PNPLA3: variants seen among roughly 807,000 people sequenced by gnomAD.
The protein encoded by PNPLA3 is patatin like domain 3, 1-acylglycerol-3-phosphate O-acyltransferase.
Under a neutral mutation model 43.1 loss-of-function variants are expected in PNPLA3, and 42 were observed. The ratio of observed to expected loss-of-function variants is 0.97; its 90% CI spans 0.76 to 1.26. The LOEUF (loss-of-function observed/expected upper bound fraction) is 1.26. Ranked by LOEUF, PNPLA3 falls within the 50% of genes most tolerant of loss-of-function variation. PNPLA3 has a pLI of 0.00. For missense variants in PNPLA3, 647 were observed against 621.4 expected, an observed-to-expected ratio of 1.04 and a Z score of -0.44; for synonymous variants, 272 against 253.6, an observed-to-expected ratio of 1.07 and a Z score of -0.69.
chr22:43,933,962 T>C (rs2049977966), intron 4 of PNPLA3, among the ~76,000 whole-genome samples: 1 of 152,112 alleles, frequency 6.6e-6, no homozygotes, highest in Non-Finnish European at 1.5e-5. Context: ...CTAGTGGCAA[T>C]TGGGATAGGC....
chr22:43,939,956 G>A, intron 6 of PNPLA3, 37 bp from the exon 7 acceptor site: 1 of 1,614,026 alleles, frequency 6.2e-7, no homozygotes, highest in Non-Finnish European at 8.5e-7. Flanking sequence ...GTTTTTCACA[G>A]TGGTGGGAGA....
chr22:43,938,686 C>T (rs775830625), intron 6 of PNPLA3, among the ~76,000 whole-genome samples: 3 of 152,248 alleles, frequency 2.0e-5, no homozygotes, highest in Non-Finnish European at 4.4e-5. Context: ...GCCTCCAACA[C>T]TGGGAATTAC....
In PNPLA3 at chr22:43,947,038, T is replaced by G; in HGVS notation, c.*656T>G. 4.2e-6 allele frequency: 1 copy of G among 239,470 alleles called. No homozygotes were observed. 14.8% of individuals were successfully genotyped at this position (239,470 alleles called of 1,614,324 possible). ...TTGAATTTTGTATTATGTGAATCAG[T>G]GAGATGTTAGTAGAATAAGCCTTAA... On this transcript the variant is annotated 3_prime_UTR_variant, in exon 9 of 9. Coordinates refer to ENST00000216180, the MANE Select transcript of PNPLA3 (RefSeq NM_025225.3).
At chr22:43,926,461 G>A (rs1183966900) in intron 1 of PNPLA3, among the ~76,000 whole-genome samples, 1 of 152,034 alleles carries the variant, frequency 6.6e-6, no homozygotes, top group Admixed American at 6.5e-5. Context: ...CCTCTATGTG[G>A]GGCATGGAGG....
Position 43,937,246 on chromosome 22 carries a change from A to T in PNPLA3, c.953A>T (p.Asp318Val). The T allele has an allele frequency of 1.2e-6, 2 of 1,613,980 alleles. No homozygotes were observed. The highest frequency in any genetic ancestry group is 1.7e-6 in the Non-Finnish European group (2 of 1,180,010). ...SILPWDESIL[D>V]TLSPRLATAL... The stretch of plus-strand genomic sequence containing the variant: ...CTGCCCTGGGATGAGAGCATCCTGG[A>T]CACCCTCTCGCCCAGGCTCGCTACA... Residue 318 changes from aspartate to valine, a missense_variant, in exon 6 of 9, where the codon GAC (aspartate) becomes GTC (valine). Coordinates refer to ENST00000216180, the MANE Select transcript of PNPLA3 (RefSeq NM_025225.3).
chr22:43,924,120 G>T (rs754202963), intron 1 of PNPLA3, 22 bp downstream of exon 1: 19 of 1,513,202 alleles, frequency 1.3e-5, no homozygotes, highest in Non-Finnish European at 1.2e-5. Context: ...GACGCTGCCC[G>T]GGCTCCACGT....
chr22:43,927,103 C>A lies in PNPLA3; in HGVS notation c.356C>A (p.Thr119Asn). The change falls in exon 2 of 9, where the codon ACC becomes AAC. Residue 119 changes from threonine to asparagine, a missense_variant. By Grantham distance (65) the Thr-to-Asn change is moderately conservative. Coordinates refer to ENST00000216180, the MANE Select transcript of PNPLA3 (RefSeq NM_025225.3). ...TCCGGCAAAATAGGCATCTCTCTTACCAGAGTGTCTGATGGGGAAAACGTT... is the reference window on the plus strand; with the variant it reads ...TCCGGCAAAATAGGCATCTCTCTTAACAGAGTGTCTGATGGGGAAAACGTT... The part of the protein sequence containing the change: ...LISGKIGISL[T>N]RVSDGENVLV... 1 of 1,614,242 alleles carries A rather than the reference C, an allele frequency of 6.2e-7. No individual in the cohort carries two copies. The highest frequency in any genetic ancestry group is 8.5e-7 in the Non-Finnish European group (1 of 1,180,042).
intron 6 of PNPLA3, among the ~76,000 whole-genome samples, chr22:43,937,857 C>T (rs2050005915): frequency 6.6e-6 from 1 of 152,150 alleles, no homozygotes; most frequent in Admixed American, 6.5e-5. Context: ...GTGCTATGGT[C>T]CAAATGATTG....
chr22:43,946,951 C>A lies in PNPLA3; in HGVS notation c.*569C>A. ...CTACTTAATTTTAGAACACCTTTTTCACCTAACTAAAATAATGTTTAAAGA... is the reference window on the plus strand; with the variant it reads ...CTACTTAATTTTAGAACACCTTTTTAACCTAACTAAAATAATGTTTAAAGA... On this transcript the variant is annotated 3_prime_UTR_variant, in exon 9 of 9. Transcript: ENST00000216180. The A allele has an allele frequency of 3.2e-6, 1 of 307,962 alleles. No homozygotes were observed. The highest frequency in any genetic ancestry group is 6.3e-6 in the Non-Finnish European group (1 of 157,536). 19.1% of individuals were successfully genotyped at this position (307,962 alleles called of 1,614,324 possible). A position where few individuals can be genotyped will look rare whatever the true frequency, so the allele number is the denominator to read the frequency against.
chr22:43,934,916 G>T (rs187090968), intron 5 of PNPLA3, among the ~76,000 whole-genome samples: 68 of 152,232 alleles, frequency 4.5e-4, no homozygotes, highest in African/African-American at 1.6e-3. Flanking sequence ...GATTTGAACT[G>T]GGATGTCATG....
intron 3 of PNPLA3, among the ~76,000 whole-genome samples, chr22:43,932,581 T>C (rs1004311341): frequency 2.0e-5 from 3 of 152,234 alleles, no homozygotes; most frequent in African/African-American, 7.2e-5. Flanking sequence ...GCCCTAGGAC[T>C]TGGCCAACAC....
intron 4 of PNPLA3, among the ~76,000 whole-genome samples, chr22:43,934,030 G>T (rs571039954): frequency 2.0e-5 from 3 of 152,104 alleles, no homozygotes; most frequent in African/African-American, 7.2e-5. Context: ...AAAGAAACAA[G>T]CTCCTGCCAG....
intron 2 of PNPLA3, 54 bp from the exon 3 acceptor site, chr22:43,928,770 G>A (rs2146776193): frequency 1.3e-6 from 2 of 1,522,660 alleles, no homozygotes; most frequent in Non-Finnish European, 1.8e-6. Context: ...TGAAGGATCA[G>A]GAAAATTAAA....
Position 43,946,305 on chromosome 22 carries a change from T to C in PNPLA3, c.1369T>C (p.Phe457Leu). Residue 457 changes from phenylalanine to leucine, a missense_variant, in exon 9 of 9, where the codon TTC (phenylalanine) becomes CTC (leucine). Coordinates refer to ENST00000216180, the MANE Select transcript of PNPLA3 (RefSeq NM_025225.3). ...RSILRSSLNF[F>L]LGNKVPAGAE... The stretch of plus-strand genomic sequence containing the variant: ...CATCCTCAGGTCCAGCCTGAACTTC[T>C]TCTTGGGCAATAAAGTACCTGCTGG... 1 of 1,614,202 alleles carries C rather than the reference T, an allele frequency of 6.2e-7. No individual in the cohort carries two copies.
At chr22:43,938,987 G>A (rs755008452) in intron 6 of PNPLA3, among the ~76,000 whole-genome samples, 23 of 152,200 alleles carry the variant, frequency 1.5e-4, no homozygotes, top group East Asian at 3.9e-4. Context: ...GTGCAGTGGC[G>A]TGATCTTGGC....
intron 7 of PNPLA3, 32 bp from the exon 8 acceptor site, chr22:43,944,659 G>C: frequency 6.4e-7 from 1 of 1,564,310 alleles, no homozygotes. Context: ...CTGCCTATGT[G>C]TGTGTTTGTG....
intron 6 of PNPLA3, among the ~76,000 whole-genome samples, chr22:43,938,382 C>G (rs1271981108): frequency 6.6e-6 from 1 of 152,124 alleles, no homozygotes; most frequent in Non-Finnish European, 1.5e-5. Context: ...GACTGGGTAA[C>G]TCATAAAGAA....
intron 1 of PNPLA3, among the ~76,000 whole-genome samples, chr22:43,925,250 C>T (rs1027901737): frequency 3.9e-5 from 6 of 152,052 alleles, no homozygotes; most frequent in African/African-American, 1.2e-4. Context: ...TGAATCTTGT[C>T]CTAATGAAAT....
intron 5 of PNPLA3, among the ~76,000 whole-genome samples, chr22:43,935,207 G>T (rs1179087619): frequency 6.6e-6 from 1 of 152,174 alleles, no homozygotes; most frequent in African/African-American, 2.4e-5. Context: ...GAAGGAAAAA[G>T]ATGTGTTGGG....
Sources: allele counts gnomAD v4.1 joint callset (sites outside exome capture counted in the v4.1 genomes callset), GRCh38; gene constraint gnomAD v4.1.1; transcripts MANE v1.5; gene names NCBI Gene and HGNC (gene_info 2026-07-23, HGNC 2026-07-21).